The following SNAP25 variants were observed in gnomAD, a reference collection of about 807,000 sequenced individuals.
SNAP25 encodes the protein synaptosomal-associated protein 25.
Under a neutral mutation model 28.7 loss-of-function variants are expected in SNAP25, and 3 were observed. The observed-to-expected ratio is 0.10, with a 90% CI of 0.05 to 0.27. SNAP25 has a LOEUF of 0.27. Among genes scored for constraint, SNAP25 ranks in the 10% least tolerant of loss-of-function variants. The pLI is 1.00. For synonymous variants in SNAP25, 61 were observed against 88.1 expected, an observed-to-expected ratio of 0.69 and a Z score of 1.72; for missense variants, 117 against 278.7, an observed-to-expected ratio of 0.42 and a Z score of 4.13.
intron 6 of SNAP25, among the ~76,000 whole-genome samples, chr20:10,297,858 C>T (rs576653260): frequency 5.3e-5 from 8 of 152,150 alleles, no homozygotes; most frequent in African/African-American, 1.9e-4. Context: ...GGTCCAAGAA[C>T]GGATTTGGAG....
intron 5 of SNAP25, chr20:10,296,310 T>G (rs1391413438): frequency 6.5e-6 from 1 of 152,718 alleles, no homozygotes; most frequent in African/African-American, 2.4e-5. Flanking sequence ...ACCGATATAT[T>G]ATCTAATTCA....
chr20:10,230,361 A>AG (rs1450649649), intron 1 of SNAP25, among the ~76,000 whole-genome samples: 2 of 152,114 alleles, frequency 1.3e-5, no homozygotes, highest in African/African-American at 4.8e-5. Flanking sequence ...AGTCTTTGAG[A>AG]GGGGGAAAAT....
At chr20:10,266,853 G>A (rs1270863226) in intron 1 of SNAP25, among the ~76,000 whole-genome samples, 1 of 152,072 alleles carries the variant, frequency 6.6e-6, no homozygotes, top group Non-Finnish European at 1.5e-5. Context: ...AAATCAATAG[G>A]TCAAATTGAC....
intron 1 of SNAP25, among the ~76,000 whole-genome samples, chr20:10,221,211 A>C (rs970000101): frequency 2.6e-5 from 4 of 152,190 alleles, no homozygotes; most frequent in African/African-American, 9.7e-5. Flanking sequence ...CTTGGACATT[A>C]GTAATTACTG....
intron 1 of SNAP25, among the ~76,000 whole-genome samples, chr20:10,223,323 T>C (rs566217654): frequency 2.0e-5 from 3 of 152,306 alleles, no homozygotes; most frequent in Non-Finnish European, 2.9e-5. Context: ...ATCCAAATGC[T>C]GACAGAATTG....
At chr20:10,303,665 G>A (rs1308175416) in intron 7 of SNAP25, among the ~76,000 whole-genome samples, 1 of 152,150 alleles carries the variant, frequency 6.6e-6, no homozygotes, top group Non-Finnish European at 1.5e-5. Context: ...TAGAAGGATA[G>A]ACAGCATTAC....
intron 1 of SNAP25, among the ~76,000 whole-genome samples, chr20:10,262,573 A>G (rs1452328012): frequency 7.2e-6 from 1 of 139,018 alleles, no homozygotes; most frequent in African/African-American, 2.7e-5. Flanking sequence ...GCGTCCAGCT[A>G]TCCATACGTG....
At chr20:10,232,728 A>G (rs2062848867) in intron 1 of SNAP25, among the ~76,000 whole-genome samples, 1 of 152,234 alleles carries the variant, frequency 6.6e-6, no homozygotes, top group Non-Finnish European at 1.5e-5. Flanking sequence ...CTTCTAGTAG[A>G]GAAAGACAAT....
rs768047813 is a variant in SNAP25, at chr20:10,289,985, C to T, written c.164-3176C>T. On this transcript the variant is annotated intron_variant, in intron 4 of 7. Transcript: ENST00000254976. The stretch of plus-strand genomic sequence containing the variant: ...TATAGTGTCACCTACCTGAAGACCC[C>T]CTCCCTACTCAAAATGTTATTCTCC... 5.9e-4 allele frequency among the ~76,000 whole-genome samples: 90 copies of T among 151,798 alleles called. 1 individual carries two copies. Among genetic ancestry groups the T allele is most frequent in the Non-Finnish European group, 1.1e-3 (77 of 67,982 alleles).
chr20:10,275,069 T>TAAA (rs1555791825), intron 1 of SNAP25, among the ~76,000 whole-genome samples: 2 of 131,978 alleles, frequency 1.5e-5, no homozygotes, highest in African/African-American at 2.8e-5. Context: ...ATAGAGCTAT[T>TAAA]TAAATAAATA....
chr20:10,246,498 C>A (rs982133829), intron 1 of SNAP25, among the ~76,000 whole-genome samples: 1 of 152,118 alleles, frequency 6.6e-6, no homozygotes, highest in Admixed American at 6.5e-5. Flanking sequence ...GGCAAACCAC[C>A]CTGACAGTGG....
intron 7 of SNAP25, among the ~76,000 whole-genome samples, chr20:10,305,545 A>G (rs904156162): frequency 6.6e-6 from 1 of 152,198 alleles, no homozygotes; most frequent in Non-Finnish European, 1.5e-5. Context: ...CTGTCTCAAA[A>G]AAAAGGAAGA....
At chr20:10,231,391 A>G (rs180964434) in intron 1 of SNAP25, 1 of 152,236 alleles carries the variant, frequency 6.6e-6, no homozygotes, top group Admixed American at 6.5e-5. Flanking sequence ...AGGCCCAGAG[A>G]TAAATTTCAC....
intron 1 of SNAP25, among the ~76,000 whole-genome samples, chr20:10,272,097 C>T (rs2063605175): frequency 6.6e-6 from 1 of 152,182 alleles, no homozygotes; most frequent in Non-Finnish European, 1.5e-5. Flanking sequence ...TGTCTTGTGC[C>T]TAGCCGTTAG....
intron 1 of SNAP25, among the ~76,000 whole-genome samples, chr20:10,274,117 A>G (rs911956403): frequency 1.3e-5 from 2 of 152,188 alleles, no homozygotes; most frequent in African/African-American, 2.4e-5. Context: ...GGCATATTAC[A>G]GGTGCTCAAT....
chr20:10,274,576 G>T, intron 1 of SNAP25, among the ~76,000 whole-genome samples: 1 of 152,214 alleles, frequency 6.6e-6, no homozygotes, highest in East Asian at 1.9e-4. Flanking sequence ...GGGTGCGGTG[G>T]CTCACGCCTG....
chr20:10,285,724 C>G (rs1328931615), intron 4 of SNAP25, among the ~76,000 whole-genome samples: 2 of 151,868 alleles, frequency 1.3e-5, no homozygotes, highest in Non-Finnish European at 2.9e-5. Flanking sequence ...AGAGAAGGCA[C>G]TTCTCCTAAA....
Position 10,244,183 on chromosome 20 carries a change from A to G in SNAP25, c.-64+25206A>G, listed in dbSNP as rs187738523. Among the ~76,000 whole-genome samples the G allele has an allele frequency of 2.0e-5, 3 of 152,314 alleles. No homozygotes were observed. In the East Asian group the frequency reaches 5.8e-4, roughly 29 times the overall value. Reference sequence around the variant, plus strand: ...TGGTGCAAACATTCAACAAATGTTCACTATCAATCATGTTAATAGTCGTGG... The same window carrying G: ...TGGTGCAAACATTCAACAAATGTTCGCTATCAATCATGTTAATAGTCGTGG... On this transcript the variant is annotated intron_variant, in intron 1 of 7. Transcript: ENST00000254976.
intron 1 of SNAP25, among the ~76,000 whole-genome samples, chr20:10,261,705 A>C (rs988830598): frequency 6.6e-6 from 1 of 152,212 alleles, no homozygotes; most frequent in African/African-American, 2.4e-5. Context: ...CGTTAAAATC[A>C]ATGATTTTAA....
Sources: allele counts gnomAD v4.1 joint callset (sites outside exome capture counted in the v4.1 genomes callset), GRCh38; gene constraint gnomAD v4.1.1; transcripts MANE v1.5; gene names NCBI Gene and HGNC (gene_info 2026-07-23, HGNC 2026-07-21).